Variants in GPHN observed in about 807,000 individuals in gnomAD.
GPHN encodes gephyrin.
GPHN carries 17 observed loss-of-function variants against 95.5 expected under a neutral mutation model. That is an observed-to-expected ratio of 0.18 (90% CI 0.12 to 0.27). The LOEUF (loss-of-function observed/expected upper bound fraction) is 0.27. Among genes scored for constraint, GPHN ranks in the 10% least tolerant of loss-of-function variants. The probability of loss-of-function intolerance (pLI) is 1.00; values close to 1 mark genes in which losing one functional copy is unlikely to be tolerated. For missense variants in GPHN, 660 were observed against 978.1 expected, an observed-to-expected ratio of 0.67 and a Z score of 4.34; for synonymous variants, 320 against 322.5, an observed-to-expected ratio of 0.99 and a Z score of 0.08.
intron 1 of GPHN, among the ~76,000 whole-genome samples, chr14:66,653,055 G>A (rs2065122992): frequency 6.6e-6 from 1 of 152,170 alleles, no homozygotes; most frequent in Non-Finnish European, 1.5e-5. Flanking sequence ...TTTCTCTGCA[G>A]TTCCTTCACT....
chr14:67,541,297 C>A, the GPHN span, among the ~76,000 whole-genome samples: 1 of 152,166 alleles, frequency 6.6e-6, no homozygotes, highest in Non-Finnish European at 1.5e-5. Flanking sequence ...CATCTGTTAC[C>A]CACTTTAAGC....
chr14:67,286,855 CAAA>C, the GPHN span, among the ~76,000 whole-genome samples: 5 of 67,192 alleles, frequency 7.4e-5, no homozygotes, highest in Admixed American at 1.6e-4. Flanking sequence ...GACCTGGTCT[CAAA>C]AAAAAAAAAA....
intron 5 of GPHN, among the ~76,000 whole-genome samples, chr14:66,910,003 A>T (rs1247748278): frequency 6.6e-6 from 1 of 151,960 alleles, no homozygotes; most frequent in East Asian, 1.9e-4. Flanking sequence ...TTGTAACTGT[A>T]ACAGTTTCTG....
the GPHN span, among the ~76,000 whole-genome samples, chr14:67,490,540 TCATG>T: frequency 6.6e-6 from 1 of 152,214 alleles, no homozygotes; most frequent in African/African-American, 2.4e-5. Context: ...ACATCAGTTT[TCATG>T]CACATAGGAT....
At chr14:66,904,977 A>G (rs1421153492) in intron 5 of GPHN, among the ~76,000 whole-genome samples, 1 of 152,128 alleles carries the variant, frequency 6.6e-6, no homozygotes, top group East Asian at 1.9e-4. Flanking sequence ...AAGATTTGGA[A>G]AGTTCTATTA....
intron 4 of GPHN, among the ~76,000 whole-genome samples, chr14:66,846,457 T>A (rs1046227396): frequency 5.9e-5 from 9 of 152,128 alleles, no homozygotes; most frequent in Non-Finnish European, 1.3e-4. Flanking sequence ...ACAAAAAAAA[T>A]GCATTTCTAA....
At chr14:66,815,869 G>T (rs1443704341) in intron 3 of GPHN, among the ~76,000 whole-genome samples, 3 of 152,038 alleles carry the variant, frequency 2.0e-5, no homozygotes, top group African/African-American at 2.4e-5. Flanking sequence ...TGGCAAGCTG[G>T]ATAAAGAACC....
chr14:67,398,128 T>G, the GPHN span: 10 of 257,788 alleles, frequency 3.9e-5, no homozygotes, highest in East Asian at 2.1e-4. Flanking sequence ...GCTAACATAT[T>G]GTATTTCCTT....
the GPHN span, among the ~76,000 whole-genome samples, chr14:67,548,621 C>T: frequency 1.3e-5 from 2 of 152,092 alleles, no homozygotes; most frequent in Non-Finnish European, 1.5e-5. Flanking sequence ...CACTTGAAAC[C>T]GGGAGGCAGA....
chr14:67,221,880 A>T, the GPHN span: 1 of 1,577,494 alleles, frequency 6.3e-7, no homozygotes, highest in Admixed American at 1.8e-5. Context: ...TTCCTAGAAG[A>T]GTAGTGTGGC....
the GPHN span, chr14:67,647,152 C>A: frequency 1.6e-6 from 1 of 630,570 alleles, no homozygotes; most frequent in Non-Finnish European, 2.7e-6. Flanking sequence ...TTAAATAGTT[C>A]AGAAAGGCAA....
At position 66,887,774 on chromosome 14, in the gene GPHN, G is replaced by C. The variant is rs79867962; in HGVS notation, c.389+7741G>C. Among the ~76,000 whole-genome samples, 469 of 152,254 alleles carry C rather than the reference G, an allele frequency of 3.1e-3. 11 individuals carry two copies. Among genetic ancestry groups the C allele is most frequent in the African/African-American group, 0.011 (444 of 41,566 alleles). On this transcript the variant is annotated intron_variant, in intron 5 of 22. Coordinates refer to ENST00000478722, the MANE Select transcript of GPHN (RefSeq NM_020806.5). The stretch of plus-strand genomic sequence containing the variant: ...AGAGACAAAGCAAGCATCAGAAGTA[G>C]ACATGGCAGGAATGTTGGAATTATC...
At chr14:67,590,238 T>A in the GPHN span, 644 of 1,218,964 alleles carry the variant, frequency 5.3e-4, 1 homozygote, top group Non-Finnish European at 6.9e-4. Flanking sequence ...TGGTGCTGCA[T>A]CCACTTGCAA....
chr14:67,115,981 C>G (rs1209880764), intron 16 of GPHN, among the ~76,000 whole-genome samples: 1 of 152,090 alleles, frequency 6.6e-6, no homozygotes. Flanking sequence ...TTTCTGTATT[C>G]GTTGATTTCA....
the GPHN span, among the ~76,000 whole-genome samples, chr14:67,503,194 G>A: frequency 2.0e-5 from 3 of 152,288 alleles, no homozygotes; most frequent in South Asian, 4.1e-4. Flanking sequence ...ATGACAAGAG[G>A]AGTTAAAAGA....
At chr14:67,111,274 C>T (rs905354803) in intron 14 of GPHN, among the ~76,000 whole-genome samples, 24 of 152,172 alleles carry the variant, frequency 1.6e-4, no homozygotes, top group African/African-American at 5.5e-4. Context: ...GCACTGAATT[C>T]CAGAACACAT....
At chr14:66,606,711 GGTTTT>G (rs1291260481) in intron 1 of GPHN, among the ~76,000 whole-genome samples, 2 of 151,968 alleles carry the variant, frequency 1.3e-5, no homozygotes, top group Non-Finnish European at 2.9e-5. Flanking sequence ...TGTATGCATA[GGTTTT>G]TGCTATTGGA....
chr14:67,131,125 T>C (rs1278137814), intron 17 of GPHN, among the ~76,000 whole-genome samples: 1 of 152,102 alleles, frequency 6.6e-6, no homozygotes, highest in Non-Finnish European at 1.5e-5. Flanking sequence ...GAATGCTATA[T>C]GTGCTAGCCA....
intron 1 of GPHN, among the ~76,000 whole-genome samples, chr14:66,548,498 T>G (rs1469445353): frequency 6.6e-6 from 1 of 152,208 alleles, no homozygotes; most frequent in African/African-American, 2.4e-5. Flanking sequence ...GTAATTGTTT[T>G]GGGGAGCCAT....
Sources: gnomAD v4.1 joint callset for allele counts (sites outside exome capture counted in the v4.1 genomes callset) on GRCh38, gnomAD v4.1.1 for gene constraint, MANE v1.5 for transcripts, NCBI Gene and HGNC (gene_info 2026-07-23, HGNC 2026-07-21) for gene names.